The following ELP4 variants were observed in gnomAD, a reference collection of about 807,000 sequenced individuals.
The protein encoded by ELP4 is elongator complex protein 4.
ELP4 carries 51 observed loss-of-function variants against 48.9 expected under a neutral mutation model. That is an observed-to-expected ratio of 1.04 (90% CI 0.83 to 1.32). The LOEUF is 1.32. Among genes scored for constraint, ELP4 ranks in the 40% most tolerant of loss-of-function variants. The probability of loss-of-function intolerance (pLI) is 0.00; values close to 1 mark genes in which losing one functional copy is unlikely to be tolerated. For missense variants in ELP4, 519 were observed against 514.6 expected, an observed-to-expected ratio of 1.01 and a Z score of -0.08; for synonymous variants, 210 against 189.2, an observed-to-expected ratio of 1.11 and a Z score of -0.90.
chr11:31,588,011 G>GT (rs1273718808), intron 3 of ELP4, among the ~76,000 whole-genome samples: 2 of 151,824 alleles, frequency 1.3e-5, no homozygotes, highest in Non-Finnish European at 2.9e-5. Context: ...AAAATTTGAC[G>GT]TATTTCTTTC....
At position 31,725,592 on chromosome 11, in the gene ELP4, T is replaced by A. The variant is rs1947058876; in HGVS notation, c.1144-57801T>A. 2.0e-5 allele frequency among the ~76,000 whole-genome samples: 3 copies of A among 152,186 alleles called. No individual in the cohort carries two copies. The South Asian group carries it at 6.2e-4, about 32-fold the overall frequency. On this transcript the variant is annotated intron_variant, in intron 9 of 9. Coordinates refer to ENST00000640961, the MANE Select transcript of ELP4 (RefSeq NM_019040.5). ...TTCATCTTGCAAGCTTGGCCAGACT[T>A]TGAGTTTGTCTCTTGGAGCCCCACC...
intron 3 of ELP4, among the ~76,000 whole-genome samples, chr11:31,558,813 T>A (rs1956970138): frequency 6.6e-6 from 1 of 152,176 alleles, no homozygotes; most frequent in Non-Finnish European, 1.5e-5. Flanking sequence ...AACCCATTCT[T>A]AGATGATTAT....
In ELP4 at chr11:31,760,181, G is replaced by A. The variant is rs1054194563; in HGVS notation, c.1144-23212G>A. ...AAATTACATACCAACTTCTCCTCCA[G>A]TGCTAGGGAAAGAGAAGCTTACCTT... On this transcript the variant is annotated intron_variant, in intron 9 of 9. Coordinates refer to ENST00000640961, the MANE Select transcript of ELP4 (RefSeq NM_019040.5). Among the ~76,000 whole-genome samples the A allele has an allele frequency of 6.6e-5, 10 of 152,270 alleles. No individual in the cohort carries two copies. The East Asian group carries it at 1.9e-3, about 29-fold the overall frequency.
chr11:31,534,500 A>G (rs760645241), intron 2 of ELP4, among the ~76,000 whole-genome samples: 1 of 152,122 alleles, frequency 6.6e-6, no homozygotes, highest in Non-Finnish European at 1.5e-5. Flanking sequence ...GGGTATAGCT[A>G]TGTAATGTAT....
intron 9 of ELP4, among the ~76,000 whole-genome samples, chr11:31,690,477 A>G (rs980415898): frequency 3.9e-5 from 6 of 152,144 alleles, no homozygotes; most frequent in Non-Finnish European, 5.9e-5. Context: ...TATTTCTACT[A>G]AAATGTGAGT....
At chr11:31,717,339 A>G (rs900971562) in intron 9 of ELP4, among the ~76,000 whole-genome samples, 8 of 152,132 alleles carry the variant, frequency 5.3e-5, no homozygotes, top group African/African-American at 1.9e-4. Flanking sequence ...GAAATCATAG[A>G]CTTTTTCATG....
intron 9 of ELP4, chr11:31,687,576 A>G (rs923908599): frequency 6.6e-6 from 1 of 152,176 alleles, no homozygotes; most frequent in African/African-American, 2.4e-5. Context: ...TAAAGATCTA[A>G]TGGCTTTTGC....
intron 9 of ELP4, among the ~76,000 whole-genome samples, chr11:31,702,323 A>G (rs1946542497): frequency 3.4e-5 from 1 of 29,288 alleles, no homozygotes; most frequent in Non-Finnish European, 6.9e-5. Flanking sequence ...AATAATAACA[A>G]TAACAATAAT....
At chr11:31,712,309 T>G (rs1946758005) in intron 9 of ELP4, among the ~76,000 whole-genome samples, 1 of 152,130 alleles carries the variant, frequency 6.6e-6, no homozygotes, top group African/African-American at 2.4e-5. Flanking sequence ...TTATCTTTCC[T>G]TGTTAAATAT....
chr11:31,660,787 T>G (rs1945539644), intron 9 of ELP4, among the ~76,000 whole-genome samples: 1 of 152,030 alleles, frequency 6.6e-6, no homozygotes, highest in Non-Finnish European at 1.5e-5. Context: ...TGCATTGAGA[T>G]TCAAAATTTG....
At chr11:31,653,377 T>C (rs1488612919) in intron 9 of ELP4, 2 of 151,816 alleles carry the variant, frequency 1.3e-5, no homozygotes, top group Non-Finnish European at 2.9e-5. Context: ...TTAACCATTA[T>C]ATACTACTTA....
intron 9 of ELP4, among the ~76,000 whole-genome samples, chr11:31,691,935 A>G (rs549349652): frequency 6.6e-6 from 1 of 152,304 alleles, no homozygotes; most frequent in Admixed American, 6.5e-5. Flanking sequence ...ATATTGAAAC[A>G]TCATTAAAGA....
At chr11:31,698,034 G>T (rs1365174014) in intron 9 of ELP4, among the ~76,000 whole-genome samples, 2 of 152,012 alleles carry the variant, frequency 1.3e-5, no homozygotes, top group Non-Finnish European at 2.9e-5. Flanking sequence ...GAACTAAATG[G>T]TCACATTTTT....
chr11:31,576,062 C>A (rs1191356299), intron 3 of ELP4, among the ~76,000 whole-genome samples: 1 of 152,092 alleles, frequency 6.6e-6, no homozygotes, highest in Admixed American at 6.5e-5. Flanking sequence ...CATGCAGAGA[C>A]ACACATAGGC....
intron 9 of ELP4, among the ~76,000 whole-genome samples, chr11:31,777,241 G>T (rs1948268438): frequency 6.6e-6 from 1 of 152,100 alleles, no homozygotes; most frequent in East Asian, 1.9e-4. Context: ...TACTATGATG[G>T]TGAACATAGT....
At chr11:31,568,746 C>T (rs140838778) in intron 3 of ELP4, among the ~76,000 whole-genome samples, 2 of 152,260 alleles carry the variant, frequency 1.3e-5, no homozygotes, top group African/African-American at 4.8e-5. Context: ...TGAAACTAGA[C>T]ACCTGCCTAT....
intron 9 of ELP4, among the ~76,000 whole-genome samples, chr11:31,683,342 AT>A (rs1946094450): frequency 6.6e-6 from 1 of 152,086 alleles, no homozygotes; most frequent in East Asian, 1.9e-4. Context: ...CTTTTGAAAA[AT>A]TTTCTAGTTT....
chr11:31,608,104 T>C (rs1354307102), intron 5 of ELP4, among the ~76,000 whole-genome samples: 2 of 151,536 alleles, frequency 1.3e-5, no homozygotes. Context: ...GATAATGAGA[T>C]GGAGAACGGA....
At chr11:31,719,358 G>A (rs1946908654) in intron 9 of ELP4, 1 of 394,286 alleles carries the variant, frequency 2.5e-6, no homozygotes, top group East Asian at 3.6e-5. Context: ...CAGTGGCAGA[G>A]TTTTTGTGGA....
Sources: gnomAD v4.1 joint callset for allele counts (sites outside exome capture counted in the v4.1 genomes callset) on GRCh38, gnomAD v4.1.1 for gene constraint, MANE v1.5 for transcripts, NCBI Gene and HGNC (gene_info 2026-07-23, HGNC 2026-07-21) for gene names.